The following NALF1 variants were observed in gnomAD, a reference collection of about 807,000 sequenced individuals.
The protein encoded by NALF1 is family with sequence similarity 155 member A.
NALF1 carries 3 observed loss-of-function variants against 48.4 expected under a neutral mutation model. That is an observed-to-expected ratio of 0.06 (90% confidence interval 0.03 to 0.16). NALF1 has a LOEUF of 0.16. Ranked by LOEUF, NALF1 falls within the 10% of genes least tolerant of loss-of-function variation. The pLI is 1.00. For synonymous variants in NALF1, 262 were observed against 245.7 expected (o/e 1.07, Z -0.62); for missense variants, 526 against 571.5 (o/e 0.92, Z 0.81).
At chr13:107,417,730 T>C (rs1171425938) in intron 1 of NALF1, among the ~76,000 whole-genome samples, 1 of 152,190 alleles carries the variant, frequency 6.6e-6, no homozygotes, top group South Asian at 2.1e-4. Flanking sequence ...AATTCAAATA[T>C]GGCCTCTGGC....
chr13:107,548,135 T>C (rs566247742), intron 1 of NALF1, among the ~76,000 whole-genome samples: 2 of 152,154 alleles, frequency 1.3e-5, no homozygotes, highest in South Asian at 4.2e-4. Context: ...CCACCCTCCA[T>C]CCTCGAGTAG....
At chr13:107,505,625 A>G (rs1875672679) in intron 1 of NALF1, among the ~76,000 whole-genome samples, 1 of 152,182 alleles carries the variant, frequency 6.6e-6, no homozygotes, top group Non-Finnish European at 1.5e-5. Context: ...ATTAAGTAAC[A>G]GCGAGAGAAG....
At chr13:107,850,761 A>T (rs746229310) in intron 1 of NALF1, among the ~76,000 whole-genome samples, 3 of 151,978 alleles carry the variant, frequency 2.0e-5, no homozygotes, top group Non-Finnish European at 4.4e-5. Flanking sequence ...AAATTAGCCG[A>T]ACGTGGTGGC....
chr13:107,832,907 T>C (rs1049694688), intron 1 of NALF1, among the ~76,000 whole-genome samples: 3 of 152,200 alleles, frequency 2.0e-5, no homozygotes, highest in Non-Finnish European at 4.4e-5. Flanking sequence ...AGTTTCCCAA[T>C]GCCCTTGGAT....
In NALF1 at chr13:107,866,244, T is replaced by C. The variant is rs1241543011; in HGVS notation, c.353A>G (p.Gln118Arg). The C allele has an allele frequency of 6.3e-7, 1 of 1,593,178 alleles. No individual in the cohort carries two copies. The highest frequency in any genetic ancestry group is 8.5e-7 in the Non-Finnish European group (1 of 1,171,560). The stretch of plus-strand genomic sequence containing the variant: ...GGAGGCGGAGAGGAGTCTGTGTGCC[T>C]GGGCGGCGGGCGAGGACTCCCCCAT... The part of the protein sequence containing the change: ...ASMGESSPAA[Q>R]AHRLLSASSS... Residue 118 changes from glutamine to arginine, a missense_variant, in exon 1 of 3, where the codon CAG (glutamine) becomes CGG (arginine). By Grantham distance (43) the Gln-to-Arg change is conservative (BLOSUM62 1). Coordinates refer to ENST00000375915, the MANE Select transcript of NALF1 (RefSeq NM_001080396.3). This position sits in a 1 kb window ranked among gnomAD's most constrained non-coding sequence, Gnocchi z 4.4.
At chr13:107,450,113 A>C (rs8000579) in intron 1 of NALF1, among the ~76,000 whole-genome samples, 99,080 of 152,018 alleles carry the variant, frequency 0.65, 33,481 homozygotes, top group Middle Eastern at 0.8. Flanking sequence ...AGGCCAAGCT[A>C]AGTGATTCCT....
intron 1 of NALF1, among the ~76,000 whole-genome samples, chr13:107,399,693 A>G (rs1047474637): frequency 6.6e-6 from 1 of 152,150 alleles, no homozygotes; most frequent in African/African-American, 2.4e-5. Flanking sequence ...CAGAATTTAA[A>G]GTAATGGTAT....
chr13:107,580,490 C>T (rs868332391), intron 1 of NALF1, among the ~76,000 whole-genome samples: 5 of 152,120 alleles, frequency 3.3e-5, no homozygotes, highest in African/African-American at 4.8e-5. Flanking sequence ...CTCCAGCTGA[C>T]GGTTCAAAAG....
At chr13:107,398,438 G>T (rs961440290) in intron 1 of NALF1, among the ~76,000 whole-genome samples, 4 of 150,098 alleles carry the variant, frequency 2.7e-5, no homozygotes, top group African/African-American at 9.8e-5. Context: ...GAACTTTAAT[G>T]CTCAAGGATA....
At chr13:107,174,504 C>T (rs1282873302) in intron 2 of NALF1, among the ~76,000 whole-genome samples, 1 of 151,772 alleles carries the variant, frequency 6.6e-6, no homozygotes, top group Non-Finnish European at 1.5e-5. Context: ...TACAGGCTCC[C>T]GCCAACACAC....
chr13:107,552,223 A>G (rs1322055605), intron 1 of NALF1, among the ~76,000 whole-genome samples: 4 of 151,710 alleles, frequency 2.6e-5, no homozygotes, highest in Non-Finnish European at 5.9e-5. Context: ...GTGAGACTCT[A>G]TCTATTCTTT....
intron 1 of NALF1, among the ~76,000 whole-genome samples, chr13:107,521,969 ACACT>A (rs1403315227): frequency 6.6e-6 from 1 of 151,980 alleles, no homozygotes; most frequent in African/African-American, 2.4e-5. Flanking sequence ...ACAGAAACAC[ACACT>A]CACACACAGC....
intron 1 of NALF1, among the ~76,000 whole-genome samples, chr13:107,502,921 A>G (rs1360716814): frequency 1.3e-5 from 2 of 152,228 alleles, no homozygotes; most frequent in South Asian, 4.1e-4. Context: ...ACAGTTCCAC[A>G]GAAGGCAGCC....
chr13:107,736,573 A>G (rs1230665503), intron 1 of NALF1, among the ~76,000 whole-genome samples: 2 of 152,204 alleles, frequency 1.3e-5, no homozygotes, highest in Non-Finnish European at 2.9e-5. Flanking sequence ...ACTACAGAGC[A>G]CAGCACCAAA....
chr13:107,268,487 G>C (rs1460377602), intron 1 of NALF1, among the ~76,000 whole-genome samples: 1 of 152,088 alleles, frequency 6.6e-6, no homozygotes, highest in Non-Finnish European at 1.5e-5. Context: ...ATGATTCTTG[G>C]ATTGTATCAC....
intron 1 of NALF1, among the ~76,000 whole-genome samples, chr13:107,763,440 G>T: frequency 7.0e-6 from 1 of 141,950 alleles, no homozygotes; most frequent in African/African-American, 2.6e-5. Flanking sequence ...GAACATCTGG[G>T]ATCTATACCA....
chr13:107,750,219 G>C (rs1876897990), intron 1 of NALF1, among the ~76,000 whole-genome samples: 1 of 152,172 alleles, frequency 6.6e-6, no homozygotes. Flanking sequence ...TAGAGACTCA[G>C]TGTGTCCCCT....
intron 1 of NALF1, among the ~76,000 whole-genome samples, chr13:107,509,215 T>C (rs1349377628): frequency 6.6e-6 from 1 of 152,168 alleles, no homozygotes; most frequent in African/African-American, 2.4e-5. Context: ...TATTGTTTTA[T>C]AATATTATAT....
At chr13:107,503,599 C>T (rs1353432129) in intron 1 of NALF1, among the ~76,000 whole-genome samples, 10 of 152,054 alleles carry the variant, frequency 6.6e-5, no homozygotes, top group African/African-American at 1.4e-4. Context: ...CTCTTCTGGG[C>T]ATATACCCAA....
Sources: gnomAD v4.1 joint callset for allele counts (sites outside exome capture counted in the v4.1 genomes callset) on GRCh38, gnomAD v4.1.1 for gene constraint, Gnocchi (gnomAD v3.1) non-coding constraint, MANE v1.5 for transcripts, NCBI Gene and HGNC (gene_info 2026-07-23, HGNC 2026-07-21) for gene names.